ARL14EPL: variants seen among roughly 807,000 people sequenced by gnomAD.
ARL14EPL encodes ARF like GTPase 14 effector protein like.
ARL14EPL carries 17 observed loss-of-function variants against 15.9 expected under a neutral mutation model. The observed-to-expected ratio is 1.07, with a 90% CI of 0.73 to 1.60. The LOEUF is 1.60. Among genes scored for constraint, ARL14EPL ranks in the 40% most tolerant of loss-of-function variants. The pLI, the probability that ARL14EPL is intolerant of heterozygous loss-of-function variation, is 0.00. For missense variants in ARL14EPL, 214 were observed against 185.9 expected (o/e 1.15, Z -0.88); for synonymous variants, 78 against 63.8 (o/e 1.22, Z -1.06).
At chr5:116,032,581 A>C (rs1748979401) in intron 1 of ARL14EPL, 76 bp downstream of exon 1, 1 of 152,188 alleles carries the variant, frequency 6.6e-6, no homozygotes, top group Non-Finnish European at 1.5e-5. Flanking sequence ...ATGTATTGTT[A>C]TAATTGTTCT....
chr5:116,035,787 G>A (rs1749039248), intron 1 of ARL14EPL, among the ~76,000 whole-genome samples: 1 of 152,202 alleles, frequency 6.6e-6, no homozygotes, highest in South Asian at 2.1e-4. Flanking sequence ...GACCTCTGAG[G>A]AGGAGGCTCT....
chr5:116,051,603 G>A (rs1466925063), intron 2 of ARL14EPL, 42 bp downstream of exon 2: 2 of 1,455,704 alleles, frequency 1.4e-6, no homozygotes, highest in Admixed American at 4.0e-5. Context: ...ACTGGGGAGT[G>A]CCCCCTCGAG....
rs868344857 is a variant in ARL14EPL, at chr5:116,039,633, G to A, written c.-10+7128G>A. ...ACTAATGAGCTAAACATACCTCTTAGAACAACAGAACATGAAAATATACCC... is the reference window on the plus strand; with the variant it reads ...ACTAATGAGCTAAACATACCTCTTAAAACAACAGAACATGAAAATATACCC... On this transcript the variant is annotated intron_variant, in intron 1 of 3. Coordinates refer to ENST00000686077, the MANE Select transcript of ARL14EPL (RefSeq NM_001195581.2). Among the ~76,000 whole-genome samples, 14 of 151,680 alleles carry A rather than the reference G, an allele frequency of 9.2e-5. No individual in the cohort carries two copies. In the South Asian group the frequency reaches 1.5e-3, roughly 16 times the overall value.
chr5:116,049,039 G>T (rs1467387823), intron 1 of ARL14EPL, among the ~76,000 whole-genome samples: 1 of 152,136 alleles, frequency 6.6e-6, no homozygotes, highest in Non-Finnish European at 1.5e-5. Flanking sequence ...TTTACAATGG[G>T]TTTGTTTGGA....
chr5:116,035,290 T>C (rs1749028874), intron 1 of ARL14EPL, among the ~76,000 whole-genome samples: 1 of 152,234 alleles, frequency 6.6e-6, no homozygotes, highest in South Asian at 2.1e-4. Flanking sequence ...AGCCACTTGG[T>C]CCGCGAGGAC....
chr5:116,056,450 G>A (rs1012899139), intron 3 of ARL14EPL, among the ~76,000 whole-genome samples: 3 of 152,272 alleles, frequency 2.0e-5, no homozygotes, highest in Middle Eastern at 3.4e-3. Context: ...GTCTTCTTTT[G>A]AGAAGTGTCT....
At chr5:116,038,923 C>CTTTG (rs10689936) in intron 1 of ARL14EPL, among the ~76,000 whole-genome samples, 63,681 of 151,698 alleles carry the variant, frequency 0.42, 13,497 homozygotes, top group East Asian at 0.63. Context: ...ACCTGTAACA[C>CTTTG]TTTGTAATTA....
intron 1 of ARL14EPL, among the ~76,000 whole-genome samples, chr5:116,046,023 G>C (rs1007731363): frequency 6.6e-6 from 1 of 152,142 alleles, no homozygotes; most frequent in Non-Finnish European, 1.5e-5. Context: ...TTGACCACCT[G>C]CACAGGCGTC....
At chr5:116,054,514 A>G (rs922935321) in intron 3 of ARL14EPL, among the ~76,000 whole-genome samples, 1 of 152,192 alleles carries the variant, frequency 6.6e-6, no homozygotes, top group Non-Finnish European at 1.5e-5. Context: ...AAGTACAATG[A>G]TTGTTAGTGC....
intron 3 of ARL14EPL, 115 bp from the exon 4 acceptor site, chr5:116,058,610 G>C: frequency 2.1e-6 from 2 of 949,702 alleles, no homozygotes; most frequent in Non-Finnish European, 3.2e-6. Flanking sequence ...GGTAATCTCT[G>C]GAGTTCTGGG....
chr5:116,054,584 C>T (rs1215606206), intron 3 of ARL14EPL, among the ~76,000 whole-genome samples: 4 of 152,212 alleles, frequency 2.6e-5, no homozygotes, highest in Admixed American at 2.6e-4. Context: ...GTAATTCCAA[C>T]ACTTTGGGAG....
In ARL14EPL at chr5:116,042,275, T is replaced by C. The variant is rs575739391; in HGVS notation, c.-9-9182T>C. Among the ~76,000 whole-genome samples the C allele has an allele frequency of 2.0e-5, 3 of 152,334 alleles. No individual in the cohort carries two copies. The East Asian group carries it at 5.8e-4, about 29-fold the overall frequency. On this transcript the variant is annotated intron_variant, in intron 1 of 3. Transcript: ENST00000686077. ...TTACATATCTTCTTCTTTTAGACCT[T>C]TGAGCACTTTGAAGAAAGGAACTGT...
rs1378750720 is a variant in ARL14EPL, at chr5:116,052,232, T to C, written c.96+671T>C. 2.5e-6 allele frequency: 4 copies of C among 1,604,502 alleles called. No homozygotes were observed. The East Asian group carries it at 8.9e-5, about 36-fold the overall frequency. ...CCCGGATTTGTTCACTGGGTCTTTG[T>C]TTTTCTTGGCTGACTTTCCAGCGTC... is the stretch of plus-strand genomic sequence containing the variant. On this transcript the variant is annotated intron_variant, in intron 2 of 3. Coordinates refer to ENST00000686077, the MANE Select transcript of ARL14EPL (RefSeq NM_001195581.2).
intron 2 of ARL14EPL, chr5:116,051,968 A>G: frequency 6.2e-7 from 1 of 1,611,882 alleles, no homozygotes; most frequent in Non-Finnish European, 8.5e-7. Flanking sequence ...GGTGTAAATT[A>G]CTTGAGCTCT....
chr5:116,038,560 G>A (rs1242173891), intron 1 of ARL14EPL, among the ~76,000 whole-genome samples: 2 of 152,072 alleles, frequency 1.3e-5, no homozygotes, highest in Non-Finnish European at 2.9e-5. Context: ...GACCACAAAG[G>A]ACCACAAAGG....
chr5:116,044,838 A>G (rs1368970228), intron 1 of ARL14EPL, among the ~76,000 whole-genome samples: 2 of 152,126 alleles, frequency 1.3e-5, no homozygotes, highest in Non-Finnish European at 2.9e-5. Context: ...AGGCCTTCTC[A>G]TTTTCCCTTG....
chr5:116,032,800 T>G (rs1258232760), intron 1 of ARL14EPL, among the ~76,000 whole-genome samples: 1 of 152,070 alleles, frequency 6.6e-6, no homozygotes, highest in African/African-American at 2.4e-5. Context: ...TGGTGGTTTT[T>G]GTTTTTGTTT....
At chr5:116,056,837 A>G (rs376152949) in intron 3 of ARL14EPL, among the ~76,000 whole-genome samples, 18 of 152,138 alleles carry the variant, frequency 1.2e-4, no homozygotes, top group African/African-American at 4.1e-4. Context: ...AGGTGTAAGG[A>G]AGGGATCCAA....
chr5:116,051,367 C>T (rs2560701), intron 1 of ARL14EPL, 90 bp from the exon 2 acceptor site: 93,974 of 776,664 alleles, frequency 0.12, 6,345 homozygotes, highest in South Asian at 0.18. Flanking sequence ...TAAAGTGAGA[C>T]GTGTAGGGAG....
Sources: allele counts gnomAD v4.1 joint callset (sites outside exome capture counted in the v4.1 genomes callset), GRCh38; gene constraint gnomAD v4.1.1; transcripts MANE v1.5; gene names NCBI Gene and HGNC (gene_info 2026-07-23, HGNC 2026-07-21).